Variants in LCOR observed in about 807,000 individuals in gnomAD.
LCOR encodes ligand dependent nuclear receptor corepressor.
In LCOR, 14 loss-of-function variants were observed where a neutral mutation model predicts 64.4. The observed-to-expected ratio is 0.22, with a 90% CI of 0.14 to 0.34. The LOEUF is 0.34. Ranked by LOEUF, LCOR falls within the 10% of genes least tolerant of loss-of-function variation. The pLI, the probability that LCOR is intolerant of heterozygous loss-of-function variation, is 1.00. For synonymous variants in LCOR, 643 were observed against 642.5 expected, an observed-to-expected ratio of 1.00 and a Z score of -0.01; for missense variants, 1,686 against 1,765.3, an observed-to-expected ratio of 0.96 and a Z score of 0.80.
At chr10:96,866,170 G>A (rs1845970162) in intron 2 of LCOR, among the ~76,000 whole-genome samples, 1 of 152,098 alleles carries the variant, frequency 6.6e-6, no homozygotes, top group African/African-American at 2.4e-5. Flanking sequence ...CCCATTTAAA[G>A]CGTTGTACAA....
chr10:96,905,630 G>A (rs1259363617), intron 2 of LCOR, among the ~76,000 whole-genome samples: 2 of 151,686 alleles, frequency 1.3e-5, no homozygotes, highest in African/African-American at 4.9e-5. Flanking sequence ...TTCCTCCCTA[G>A]TGTGGAAGAG....
intron 2 of LCOR, among the ~76,000 whole-genome samples, chr10:96,834,902 G>T (rs1294574468): frequency 1.3e-5 from 2 of 151,970 alleles, no homozygotes; most frequent in South Asian, 2.1e-4. Flanking sequence ...TGTTTTTGTT[G>T]TTGTTTTTTC....
intron 2 of LCOR, among the ~76,000 whole-genome samples, chr10:96,900,556 A>G (rs1369976715): frequency 6.6e-6 from 1 of 152,162 alleles, no homozygotes; most frequent in African/African-American, 2.4e-5. Context: ...GATAGGATCA[A>G]TCAAGGAATA....
chr10:96,928,429 T>C (rs1847204310), intron 4 of LCOR, among the ~76,000 whole-genome samples: 1 of 152,180 alleles, frequency 6.6e-6, no homozygotes, highest in African/African-American at 2.4e-5. Context: ...TGTTTTGTTT[T>C]CTCATCCATA....
intron 7 of LCOR, among the ~76,000 whole-genome samples, chr10:96,979,393 C>T (rs1848063474): frequency 6.6e-6 from 1 of 152,216 alleles, no homozygotes; most frequent in African/African-American, 2.4e-5. Flanking sequence ...CATCCAGAAG[C>T]ACAAAGCAGC....
intron 4 of LCOR, among the ~76,000 whole-genome samples, chr10:96,918,468 C>T (rs1397662696): frequency 6.6e-6 from 1 of 152,114 alleles, no homozygotes; most frequent in Non-Finnish European, 1.5e-5. Flanking sequence ...TGAATACACG[C>T]TACTGGCTTG....
In LCOR at chr10:96,869,054, C is replaced by T. The variant is rs532921517; in HGVS notation, c.-330+35575C>T. Among the ~76,000 whole-genome samples, 10 of 151,904 alleles carry T rather than the reference C, an allele frequency of 6.6e-5. No individual in the cohort carries two copies. In the East Asian group the frequency reaches 9.7e-4, roughly 15 times the overall value. ...CAGAGTAGCTGGGATTACAGGCAAC[C>T]GCCATCATGCCCAGCTAATTTTTAT... On this transcript the variant is annotated intron_variant, in intron 2 of 7. Transcript: ENST00000421806.
At position 96,994,142 on chromosome 10, in the gene LCOR, G is replaced by C. The variant is rs549359513; in HGVS notation, c.*9008G>C. 1.3e-5 allele frequency: 2 copies of C among 152,152 alleles called. No individual in the cohort carries two copies. Among genetic ancestry groups the C allele is most frequent in the Non-Finnish European group, 2.9e-5 (2 of 68,022 alleles). The allele number at this position is 152,152 out of a possible 1,614,324, so 9.4% of individuals were successfully genotyped here. A position where few individuals can be genotyped will look rare whatever the true frequency, so the allele number is the denominator to read the frequency against. On this transcript the variant is annotated 3_prime_UTR_variant, in exon 8 of 8. Transcript: ENST00000421806. ...TTTATAGGGTTTCCAGAATCTAGTT[G>C]AGGCAAAGCTCATTTGGCTATAGAG...
At chr10:96,975,879 G>A (rs918428158) in intron 7 of LCOR, among the ~76,000 whole-genome samples, 1 of 152,124 alleles carries the variant, frequency 6.6e-6, no homozygotes, top group Non-Finnish European at 1.5e-5. Context: ...GCCGGACGTG[G>A]TGGTGGGCGC....
At chr10:96,886,763 ATAAT>A (rs1846351090) in intron 2 of LCOR, among the ~76,000 whole-genome samples, 1 of 152,236 alleles carries the variant, frequency 6.6e-6, no homozygotes, top group African/African-American at 2.4e-5. Context: ...AGCACTTGGA[ATAAT>A]TAGACTAGAT....
intron 2 of LCOR, among the ~76,000 whole-genome samples, chr10:96,883,911 A>G (rs1564614511): frequency 6.6e-6 from 1 of 152,224 alleles, no homozygotes; most frequent in Non-Finnish European, 1.5e-5. Flanking sequence ...TAATGGCTAA[A>G]TCAAGAGTGG....
At chr10:96,965,989 T>C (rs999625106) in intron 7 of LCOR, among the ~76,000 whole-genome samples, 1 of 152,058 alleles carries the variant, frequency 6.6e-6, no homozygotes, top group African/African-American at 2.4e-5. Flanking sequence ...CAAATTGATA[T>C]TCAGCTCTTC....
At position 96,982,487 on chromosome 10, in the gene LCOR, G is replaced by A; in HGVS notation, c.2027G>A (p.Ser676Asn). The A allele has an allele frequency of 6.2e-7, 1 of 1,614,200 alleles. No individual in the cohort carries two copies. Among genetic ancestry groups the A allele is most frequent in the Non-Finnish European group, 8.5e-7 (1 of 1,180,036 alleles). Residue 676 changes from serine (S) to asparagine (N), a missense_variant, in exon 8 of 8, where the codon AGC becomes AAC. Ser to Asn is a conservative substitution (Grantham distance 46). Around this residue, in one of 3 missense-constraint regions of LCOR, gnomAD observed 1,293 missense variants for 1,410.4 expected, o/e 0.92. Coordinates refer to ENST00000421806, the MANE Select transcript of LCOR (RefSeq NM_001346516.2). ...TGTCACCTCCTTCCCTCCACTGAAA[G>A]CTTTTCCGGGGGAGTCAGTGAAGAT... Reference protein sequence around the residue: ...QDCHLLPSTESFSGGVSEDVI... With the variant: ...QDCHLLPSTENFSGGVSEDVI...
intron 7 of LCOR, among the ~76,000 whole-genome samples, chr10:96,967,847 T>G (rs1192045288): frequency 6.6e-6 from 1 of 152,220 alleles, no homozygotes; most frequent in African/African-American, 2.4e-5. Context: ...AATTTTTATT[T>G]CTATTATGTG....
At chr10:96,883,370 TTGAG>T (rs1358442839) in intron 2 of LCOR, among the ~76,000 whole-genome samples, 25 of 152,202 alleles carry the variant, frequency 1.6e-4, no homozygotes, top group Admixed American at 1.6e-3. Flanking sequence ...TTCATTTTAT[TTGAG>T]TAATTACCAA....
intron 4 of LCOR, among the ~76,000 whole-genome samples, chr10:96,911,093 C>CTT (rs71007308): frequency 0.015 from 1,675 of 114,070 alleles, 45 homozygotes; most frequent in East Asian, 0.071. Flanking sequence ...TACATGTTCC[C>CTT]TTTTTTTTTT....
intron 2 of LCOR, among the ~76,000 whole-genome samples, chr10:96,854,807 G>C (rs939333353): frequency 1.3e-5 from 2 of 152,166 alleles, no homozygotes; most frequent in East Asian, 3.8e-4. Flanking sequence ...AAGATTTTCT[G>C]ACTTCAGAGT....
rs1846552152 is a variant in LCOR at position 96,897,105 on chromosome 10, A to AGC, written c.-329-10160_-329-10159insGC. Among the ~76,000 whole-genome samples the AGC allele has an allele frequency of 2.0e-5, 3 of 149,014 alleles. No homozygotes were observed. In the South Asian group the frequency reaches 6.4e-4, roughly 32 times the overall value. ...AAAGAGAAAGAGAAAGAAAAGCAAA[A>AGC]AAAAAAAAAAAACCCAAAAGAATGC... On this transcript the variant is annotated intron_variant, in intron 2 of 7. Transcript: ENST00000421806.
chr10:96,920,607 C>CAT lies in LCOR; in HGVS notation c.-184+12865_-184+12866dup, dbSNP rs375038854. On this transcript the variant is annotated intron_variant, in intron 4 of 7. Coordinates refer to ENST00000421806, the MANE Select transcript of LCOR (RefSeq NM_001346516.2). ...ATATGTGTATATATGTATGTATATT[C>CAT]ATATATGTGTATATATGTATGTACA... is the stretch of plus-strand genomic sequence containing the variant. Among the ~76,000 whole-genome samples, 76 of 125,668 alleles carry CAT rather than the reference C, an allele frequency of 6.0e-4. 1 individual carries two copies. Among genetic ancestry groups the CAT allele is most frequent in the African/African-American group, 1.7e-3 (53 of 31,234 alleles). The allele number at this position is 125,668 out of a possible 152,430, so 82.4% of individuals were successfully genotyped here. A position where few individuals can be genotyped will look rare whatever the true frequency, so the allele number is the denominator to read the frequency against.
Sources: allele counts gnomAD v4.1 joint callset (sites outside exome capture counted in the v4.1 genomes callset), GRCh38; gene constraint gnomAD v4.1.1; regional missense constraint gnomAD v4.1.1; transcripts MANE v1.5; gene names NCBI Gene and HGNC (gene_info 2026-07-23, HGNC 2026-07-21).